Variants in PRKX observed in about 807,000 individuals in gnomAD.
The protein encoded by PRKX is protein kinase cAMP-dependent X-linked catalytic subunit, also known as cAMP-dependent protein kinase catalytic subunit PRKX.
Under a neutral mutation model 22.0 loss-of-function variants are expected in PRKX, and 12 were observed. The observed-to-expected ratio is 0.54, with a 90% CI of 0.35 to 0.88. PRKX has a LOEUF of 0.88. Among genes scored for constraint, PRKX ranks in the 40% least tolerant of loss-of-function variants. The pLI, the probability that PRKX is intolerant of heterozygous loss-of-function variation, is 0.01. For synonymous variants in PRKX, 134 were observed against 137.7 expected, an observed-to-expected ratio of 0.97 and a Z score of 0.19; for missense variants, 217 against 308.0, an observed-to-expected ratio of 0.70 and a Z score of 2.21.
chrX:3,649,433 C>T (rs760689644), intron 3 of PRKX, among the ~76,000 whole-genome samples: 3 of 100,616 alleles, frequency 3.0e-5, no homozygotes, highest in African/African-American at 3.7e-5. Context: ...ACAATACAAA[C>T]GTAATATTGC....
chrX:3,693,629 C>A (rs764810690), intron 1 of PRKX, among the ~76,000 whole-genome samples: 8 of 111,221 alleles, frequency 7.2e-5, no homozygotes, highest in Non-Finnish European at 1.3e-4. Flanking sequence ...CTGTGAATGG[C>A]GTCTTATTTG....
intron 3 of PRKX, among the ~76,000 whole-genome samples, chrX:3,642,536 C>G (rs1927101356): frequency 9.1e-6 from 1 of 110,304 alleles, no homozygotes; most frequent in Non-Finnish European, 1.9e-5. Context: ...TGCTTATTAC[C>G]CAGGTGACAA....
intron 1 of PRKX, among the ~76,000 whole-genome samples, chrX:3,677,119 G>A (rs1482652878): frequency 9.0e-6 from 1 of 111,099 alleles, no homozygotes; most frequent in South Asian, 3.8e-4. Flanking sequence ...GGTAGGGCTT[G>A]AGGGGGAAGG....
intron 1 of PRKX, among the ~76,000 whole-genome samples, chrX:3,697,755 C>T (rs11152543): frequency 0.46 from 50,426 of 109,149 alleles, 9,869 homozygotes; most frequent in African/African-American, 0.73. Flanking sequence ...CTTACTGTGT[C>T]GCCTAGGCTG....
At chrX:3,637,763 CTT>C (rs68007143) in intron 4 of PRKX, among the ~76,000 whole-genome samples, 2 of 98,164 alleles carry the variant, frequency 2.0e-5, no homozygotes, top group East Asian at 3.2e-4. Context: ...CATTTTCTTT[CTT>C]TTTTTTTTTT....
chrX:3,694,284 A>G (rs912834280), intron 1 of PRKX, among the ~76,000 whole-genome samples: 41 of 110,044 alleles, frequency 3.7e-4, no homozygotes, highest in African/African-American at 1.4e-3. Flanking sequence ...GCTACTGAGG[A>G]GGCTGAGGCA....
At chrX:3,624,580 AC>A (rs1012840459) in intron 5 of PRKX, among the ~76,000 whole-genome samples, 7 of 102,678 alleles carry the variant, frequency 6.8e-5, no homozygotes, top group Admixed American at 3.2e-4. Context: ...AACATTGGAA[AC>A]CCCCCCCATA....
At chrX:3,657,199 T>C (rs112603393) in intron 2 of PRKX, among the ~76,000 whole-genome samples, 1 of 112,183 alleles carries the variant, frequency 8.9e-6, no homozygotes, top group African/African-American at 3.2e-5. Context: ...GTAAATATCA[T>C]GGTCTCATAA....
At chrX:3,630,650 G>A (rs767256684) in intron 4 of PRKX, among the ~76,000 whole-genome samples, 1 of 112,215 alleles carries the variant, frequency 8.9e-6, no homozygotes, top group South Asian at 3.7e-4. Flanking sequence ...CATGGTGGAA[G>A]GCGAAGGGGA....
At chrX:3,706,506 T>C (rs1928688368) in intron 1 of PRKX, among the ~76,000 whole-genome samples, 1 of 109,504 alleles carries the variant, frequency 9.1e-6, no homozygotes, top group South Asian at 3.9e-4. Context: ...TTTTTATTTT[T>C]TGAGACAAGG....
At position 3,636,817 on chromosome X, in the gene PRKX, C is replaced by T. The variant is rs770290248; in HGVS notation, c.719+5035G>A. Among the ~76,000 whole-genome samples, 14 of 110,943 alleles carry T rather than the reference C, an allele frequency of 1.3e-4. No individual in the cohort carries two copies. The South Asian group carries it at 4.6e-3, about 36-fold the overall frequency. ...AGAGGTTGCAGTGAACCAAGATTTG[C>T]GCCACTGCAGTCCAGCCTGGGTGAC... is the stretch of plus-strand genomic sequence containing the variant. On this transcript the variant is annotated intron_variant, in intron 4 of 8. Coordinates refer to ENST00000262848, the MANE Select transcript of PRKX (RefSeq NM_005044.5).
intron 2 of PRKX, among the ~76,000 whole-genome samples, chrX:3,670,626 A>G (rs1927828321): frequency 9.1e-6 from 1 of 110,037 alleles, no homozygotes; most frequent in African/African-American, 3.3e-5. Flanking sequence ...GCTCACTGCA[A>G]TCTCCGCCTC....
At position 3,649,060 on chromosome X, in the gene PRKX, T is replaced by C. The variant is rs7877721; in HGVS notation, c.599+6089A>G. Among the ~76,000 whole-genome samples the C allele has an allele frequency of 6.4e-3, 714 of 112,073 alleles. 7 individuals carry two copies. Among genetic ancestry groups the C allele is most frequent in the African/African-American group, 0.022 (685 of 30,838 alleles). On this transcript the variant is annotated intron_variant, in intron 3 of 8. Coordinates refer to ENST00000262848, the MANE Select transcript of PRKX (RefSeq NM_005044.5). ...ATGTATAAAGGTTGAGCATCTTTAA[T>C]CCAAATCTGAAATCCCAAATGCTCC...
intron 1 of PRKX, among the ~76,000 whole-genome samples, chrX:3,703,656 GGTTTTTTTGGTT>G (rs1458162200): frequency 1.0e-5 from 1 of 99,883 alleles, no homozygotes; most frequent in East Asian, 3.3e-4. Flanking sequence ...TGTGTTTTTG[GGTTTTTTTGGTT>G]GTTTTTTTTT....
At chrX:3,710,835 A>T (rs1316221836) in intron 1 of PRKX, among the ~76,000 whole-genome samples, 2 of 111,298 alleles carry the variant, frequency 1.8e-5, no homozygotes, top group African/African-American at 6.5e-5. Flanking sequence ...AAGCAAACTT[A>T]TGTTCCTGTA....
intron 3 of PRKX, among the ~76,000 whole-genome samples, chrX:3,653,971 G>GAT (rs768907626): frequency 1.5e-5 from 1 of 67,685 alleles, no homozygotes; most frequent in African/African-American, 6.3e-5. Context: ...TATACTATGT[G>GAT]ATATATATAT....
At chrX:3,696,399 A>G (rs1379413198) in intron 1 of PRKX, among the ~76,000 whole-genome samples, 5 of 111,952 alleles carry the variant, frequency 4.5e-5, no homozygotes, top group Non-Finnish European at 9.4e-5. Flanking sequence ...GAATACACCT[A>G]ACTTACGAAC....
rs58698248 is a variant in PRKX at position 3,648,606 on chromosome X, CTGTGTGTGTG to C, written c.599+6533_599+6542del. Among the ~76,000 whole-genome samples the C allele has an allele frequency of 5.3e-4, 38 of 72,248 alleles. No homozygotes were observed. The South Asian group carries it at 8.9e-3, about 17-fold the overall frequency. The allele number at this position is 72,248 out of a possible 115,157, so 62.7% of individuals were successfully genotyped here. On this transcript the variant is annotated intron_variant, in intron 3 of 8. Transcript: ENST00000262848. ...TCAATGTGAATTACTCTCTCTACTC[CTGTGTGTGTG>C]TGTGTGTGTGTGTGTGTGTGTGTGT...
intron 7 of PRKX, among the ~76,000 whole-genome samples, chrX:3,614,824 T>C (rs1351456101): frequency 9.1e-6 from 1 of 110,164 alleles, no homozygotes; most frequent in African/African-American, 3.3e-5. Flanking sequence ...ATACCCTGGT[T>C]ACCCTCAGTT....
Sources: gnomAD v4.1 joint callset for allele counts (sites outside exome capture counted in the v4.1 genomes callset) on GRCh38, gnomAD v4.1.1 for gene constraint, MANE v1.5 for transcripts, NCBI Gene and HGNC (gene_info 2026-07-23, HGNC 2026-07-21) for gene names.